Variants in ARNT observed in about 807,000 individuals in gnomAD.
ARNT encodes class E basic helix-loop-helix protein 2.
A neutral mutation model predicts 105.0 loss-of-function variants in ARNT; 30 were observed. That is an observed-to-expected ratio of 0.29 (90% CI 0.21 to 0.39). ARNT has a LOEUF of 0.39. Among genes scored for constraint, ARNT ranks in the 10% least tolerant of loss-of-function variants. The pLI is 1.00. For synonymous variants in ARNT, 304 were observed against 344.0 expected, an observed-to-expected ratio of 0.88 and a Z score of 1.29; for missense variants, 748 against 978.7, an observed-to-expected ratio of 0.76 and a Z score of 3.15.
At chr1:150,876,422 G>A (rs1668271995) in intron 1 of ARNT, 121 bp downstream of exon 1, 1 of 1,389,268 alleles carries the variant, frequency 7.2e-7, no homozygotes, top group Non-Finnish European at 9.4e-7. Context: ...CGTCTCTCGC[G>A]GCCCCCGCCC....
rs971681913 is a variant in ARNT, at chr1:150,836,315, C to T, written c.665G>A (p.Arg222His). The T allele has an allele frequency of 8.1e-6, 13 of 1,614,006 alleles. No individual in the cohort carries two copies. In the East Asian group the frequency reaches 1.3e-4, roughly 17 times the overall value. Reference sequence around the variant, plus strand: ...ATTTTCTGAAGTGGAAAGCTGCTCACGAAGTTTATCCACATCATCTGGGTG... The same window carrying T: ...ATTTTCTGAAGTGGAAAGCTGCTCATGAAGTTTATCCACATCATCTGGGTG... ...QVHPDDVDKL[R>H]EQLSTSENAL... The change falls in exon 7 of 22, where the codon CGT becomes CAT. Residue 222 changes from arginine to histidine, a missense_variant. Physicochemically the swap from Arg to His is conservative, Grantham distance 29 (BLOSUM62 0). Coordinates refer to ENST00000358595, the MANE Select transcript of ARNT (RefSeq NM_001668.4).
chr1:150,831,132 C>T (rs1659296863), intron 10 of ARNT, among the ~76,000 whole-genome samples: 1 of 152,192 alleles, frequency 6.6e-6, no homozygotes, highest in South Asian at 2.1e-4. Flanking sequence ...GTAACAATGA[C>T]AGGAATCACA....
intron 2 of ARNT, among the ~76,000 whole-genome samples, chr1:150,856,857 G>A (rs1331784782): frequency 6.6e-6 from 1 of 151,764 alleles, no homozygotes; most frequent in African/African-American, 2.4e-5. Flanking sequence ...TACTTTGGGA[G>A]GCCAAGGCAG....
chr1:150,812,070 T>C lies in ARNT; in HGVS notation c.2321A>G (p.Asn774Ser), dbSNP rs757498017. The change falls in exon 22 of 22, where the codon AAC becomes AGC. Residue 774 changes from asparagine to serine, a missense_variant. By Grantham distance (46) the Asn-to-Ser change is conservative. Coordinates refer to ENST00000358595, the MANE Select transcript of ARNT (RefSeq NM_001668.4). ...AGTTAGATCAGGGAATTCTTCATTG[T>C]TGTAGCTGTTGCTCTGATCTCCCAG... ...SMLGDQSNSY[N>S]NEEFPDLTMF... 118 of 1,574,610 alleles carry C rather than the reference T, an allele frequency of 7.5e-5. No homozygotes were observed. Among genetic ancestry groups the C allele is most frequent in the Non-Finnish European group, 9.6e-5 (111 of 1,157,766 alleles).
At chr1:150,851,196 G>A (rs1384863290) in intron 3 of ARNT, among the ~76,000 whole-genome samples, 1 of 147,572 alleles carries the variant, frequency 6.8e-6, no homozygotes, top group Non-Finnish European at 1.5e-5. Context: ...GGAGAGAGGC[G>A]GGGGCCAGCC....
chr1:150,861,669 T>C (rs892467590), intron 1 of ARNT, among the ~76,000 whole-genome samples: 3 of 152,036 alleles, frequency 2.0e-5, no homozygotes, highest in Non-Finnish European at 2.9e-5. Context: ...AAATTGGCCA[T>C]ACATGTGGTA....
intron 5 of ARNT, 34 bp downstream of exon 5, chr1:150,842,390 T>A (rs772878610): frequency 6.2e-7 from 1 of 1,602,220 alleles, no homozygotes; most frequent in South Asian, 1.1e-5. Flanking sequence ...CAGCATCATC[T>A]GCTTCATCAT....
chr1:150,862,849 G>A (rs1443035147), intron 1 of ARNT, among the ~76,000 whole-genome samples: 3 of 151,632 alleles, frequency 2.0e-5, no homozygotes, highest in Non-Finnish European at 2.9e-5. Flanking sequence ...TCAGGAGTTC[G>A]AGACCAGCCT....
At chr1:150,837,706 G>A (rs1285081320) in intron 6 of ARNT, among the ~76,000 whole-genome samples, 7 of 151,810 alleles carry the variant, frequency 4.6e-5, no homozygotes, top group Non-Finnish European at 1.0e-4. Flanking sequence ...TCCCCACTAC[G>A]AAATAATAAC....
intron 6 of ARNT, among the ~76,000 whole-genome samples, chr1:150,837,128 CTT>C (rs1261885302): frequency 6.6e-6 from 1 of 152,044 alleles, no homozygotes; most frequent in African/African-American, 2.4e-5. Flanking sequence ...TCTCTGGTCT[CTT>C]TTTAGGATCT....
At chr1:150,827,586 G>A (rs958940900) in intron 12 of ARNT, among the ~76,000 whole-genome samples, 12 of 152,144 alleles carry the variant, frequency 7.9e-5, no homozygotes, top group Non-Finnish European at 1.3e-4. Context: ...GTTAATGGAC[G>A]TTTAAATAGT....
intron 11 of ARNT, chr1:150,829,664 T>A (rs1658973247): frequency 3.5e-6 from 2 of 572,498 alleles, no homozygotes; most frequent in Non-Finnish European, 6.2e-6. Flanking sequence ...AATAGAAAAT[T>A]AAGCATAGTA....
intron 1 of ARNT, among the ~76,000 whole-genome samples, chr1:150,866,052 G>A (rs748380917): frequency 1.3e-3 from 193 of 149,796 alleles, no homozygotes; most frequent in Non-Finnish European, 2.3e-3. Flanking sequence ...GCGTGATCTC[G>A]GCTCACTGCA....
intron 1 of ARNT, among the ~76,000 whole-genome samples, chr1:150,862,255 T>C (rs185330001): frequency 3.9e-5 from 6 of 152,250 alleles, no homozygotes; most frequent in African/African-American, 1.4e-4. Flanking sequence ...GTGCCAGTAC[T>C]TCCATATTAT....
chr1:150,825,665 G>A (rs1321579544), intron 13 of ARNT, among the ~76,000 whole-genome samples: 2 of 151,840 alleles, frequency 1.3e-5, no homozygotes, highest in African/African-American at 2.4e-5. Flanking sequence ...CCTGGCCAAC[G>A]TGGTGAAACC....
intron 1 of ARNT, among the ~76,000 whole-genome samples, chr1:150,874,793 C>T (rs1479609859): frequency 1.3e-5 from 2 of 152,042 alleles, no homozygotes; most frequent in Non-Finnish European, 2.9e-5. Context: ...AAGCAAGCAG[C>T]CAAAGCATAG....
intron 1 of ARNT, chr1:150,861,436 T>C (rs1196770741): frequency 2.2e-5 from 6 of 268,464 alleles, no homozygotes; most frequent in Non-Finnish European, 3.0e-5. Flanking sequence ...AACATTTGTA[T>C]ACCCACGTTC....
chr1:150,813,077 AC>A, intron 21 of ARNT, 94 bp downstream of exon 21: 1 of 1,386,348 alleles, frequency 7.2e-7, no homozygotes, highest in Non-Finnish European at 9.9e-7. Flanking sequence ...CCAACCAAAC[AC>A]CTCAATCCAG....
Position 150,846,325 on chromosome 1 carries a change from G to T in ARNT, c.183-18C>A. ...CATCACACCTGAAGGAGAGAAAAAG[G>T]ATTGTTTCAAAGCATTACACTTGTT... is the stretch of plus-strand genomic sequence containing the variant. On this transcript the variant is annotated intron_variant, in intron 3 of 21. Transcript: ENST00000358595. The T allele has an allele frequency of 6.2e-7, 1 of 1,613,196 alleles. No homozygotes were observed.
Sources: gnomAD v4.1 joint callset for allele counts (sites outside exome capture counted in the v4.1 genomes callset) on GRCh38, gnomAD v4.1.1 for gene constraint, MANE v1.5 for transcripts, NCBI Gene and HGNC (gene_info 2026-07-23, HGNC 2026-07-21) for gene names.